BLVRB: variants seen among roughly 807,000 people sequenced by gnomAD.
BLVRB encodes the protein flavin reductase (NADPH).
A neutral mutation model predicts 21.1 loss-of-function variants in BLVRB; 25 were observed. The ratio of observed to expected loss-of-function variants is 1.19; its 90% confidence interval spans 0.86 to 1.66. The LOEUF is 1.66. Ranked by LOEUF, BLVRB falls within the 40% of genes most tolerant of loss-of-function variation. BLVRB has a pLI of 0.00. For missense variants in BLVRB, 274 were observed against 282.7 expected, an observed-to-expected ratio of 0.97 and a Z score of 0.22; for synonymous variants, 128 against 122.2, an observed-to-expected ratio of 1.05 and a Z score of -0.31.
In BLVRB at chr19:40,448,012, G is replaced by C. The variant is rs141407327; in HGVS notation, c.498C>G (p.Thr166=). 7 of 1,613,910 alleles carry C rather than the reference G, an allele frequency of 4.3e-6. No homozygotes were observed. In the African/African-American group the frequency reaches 8.0e-5, roughly 18 times the overall value. ...CCCTTGAGGGCCCTCGTCCATCCAG[G>C]GTCACTGTGTACGCCCCAGTTAGTG... is the stretch of plus-strand genomic sequence containing the variant. ...DQPLTGAYTV[T]LDGRGPSRVI... Residue 166 remains threonine (T), a synonymous_variant, in exon 5 of 5, where the codon ACC becomes ACG. Transcript: ENST00000263368.
chr19:40,451,544 T>G (rs2079740120), intron 3 of BLVRB, 52 bp from the exon 4 acceptor site: 1 of 1,485,730 alleles, frequency 6.7e-7, no homozygotes, highest in Non-Finnish European at 8.9e-7. Context: ...CTTTTTTTTT[T>G]TTTTTTTGAG....
chr19:40,454,739 G>A (rs893326212), intron 3 of BLVRB, among the ~76,000 whole-genome samples: 3 of 151,936 alleles, frequency 2.0e-5, no homozygotes, highest in African/African-American at 7.3e-5. Context: ...TAGAGACGGT[G>A]TTTCACTGTG....
intron 4 of BLVRB, among the ~76,000 whole-genome samples, chr19:40,450,785 C>A (rs182642302): frequency 6.6e-6 from 1 of 151,820 alleles, no homozygotes; most frequent in Non-Finnish European, 1.5e-5. Context: ...GAAATCCTCC[C>A]GTCTTGGCTT....
At chr19:40,465,007 A>C (rs775934628) in intron 1 of BLVRB, among the ~76,000 whole-genome samples, 1 of 152,098 alleles carries the variant, frequency 6.6e-6, no homozygotes, top group African/African-American at 2.4e-5. Flanking sequence ...GCTGTCCCCA[A>C]GTCTTCACTC....
At chr19:40,451,338 T>C (rs1172281004) in intron 4 of BLVRB, 26 bp downstream of exon 4, 1 of 1,587,722 alleles carries the variant, frequency 6.3e-7, no homozygotes, top group Middle Eastern at 1.7e-4. Flanking sequence ...ATGGCATTGG[T>C]GCCACCAGGT....
At chr19:40,462,033 AC>A (rs2145783447) in intron 1 of BLVRB, among the ~76,000 whole-genome samples, 1 of 152,316 alleles carries the variant, frequency 6.6e-6, no homozygotes, top group African/African-American at 2.4e-5. Flanking sequence ...CTTTGTAAAC[AC>A]AAAAGCACAG....
At chr19:40,451,926 CT>C (rs1426508382) in intron 3 of BLVRB, among the ~76,000 whole-genome samples, 2 of 152,172 alleles carry the variant, frequency 1.3e-5, no homozygotes, top group African/African-American at 4.8e-5. Context: ...TGGGGCTCCT[CT>C]TTCCCTCACA....
chr19:40,451,077 T>C (rs923920852), intron 4 of BLVRB, among the ~76,000 whole-genome samples: 1 of 152,112 alleles, frequency 6.6e-6, no homozygotes, highest in African/African-American at 2.4e-5. Flanking sequence ...GTCCCAACCC[T>C]GTAATCCAGC....
rs201539982 is a variant in BLVRB, at chr19:40,458,289, C to T, written c.245-45G>A. On this transcript the variant is annotated intron_variant, in intron 2 of 4. Transcript: ENST00000263368. ...GGCTGTCACTGGTGGGCGGCGGCGG[C>T]GGCAGGGGTGGCAGGGGCGGGGCCG... The T allele has an allele frequency of 3.8e-3, 3,580 of 932,258 alleles. 3 individuals carry two copies. Among genetic ancestry groups the T allele is most frequent in the Non-Finnish European group, 4.6e-3 (3,077 of 669,276 alleles). The allele number at this position is 932,258 out of a possible 1,614,324, so 57.7% of individuals were successfully genotyped here. A position where few individuals can be genotyped will look rare whatever the true frequency, so the allele number is the denominator to read the frequency against.
intron 1 of BLVRB, among the ~76,000 whole-genome samples, chr19:40,460,120 A>C (rs2079779992): frequency 6.6e-6 from 1 of 151,902 alleles, no homozygotes; most frequent in Non-Finnish European, 1.5e-5. Flanking sequence ...ATAATTTTGG[A>C]TAATTTTGTT....
At chr19:40,460,668 G>T (rs62106989) in intron 1 of BLVRB, among the ~76,000 whole-genome samples, 26,921 of 151,640 alleles carry the variant, frequency 0.18, 2,980 homozygotes, top group African/African-American at 0.32. Flanking sequence ...CTACTACCTG[G>T]CACAGAAATA....
chr19:40,462,969 G>A (rs1288475688), intron 1 of BLVRB, among the ~76,000 whole-genome samples: 2 of 145,940 alleles, frequency 1.4e-5, no homozygotes, highest in Non-Finnish European at 3.0e-5. Flanking sequence ...GTACACAAAC[G>A]CATACATATA....
At chr19:40,454,318 G>A (rs893414751) in intron 3 of BLVRB, among the ~76,000 whole-genome samples, 1 of 151,936 alleles carries the variant, frequency 6.6e-6, no homozygotes, top group Non-Finnish European at 1.5e-5. Flanking sequence ...TGGTAGAGAC[G>A]GGGTTTCACC....
chr19:40,455,965 AG>A (rs2079760588), intron 3 of BLVRB, among the ~76,000 whole-genome samples: 1 of 152,164 alleles, frequency 6.6e-6, no homozygotes. Flanking sequence ...TACAAAAATT[AG>A]CCAGCCTTAT....
intron 4 of BLVRB, among the ~76,000 whole-genome samples, chr19:40,448,448 G>A (rs1478321274): frequency 2.6e-5 from 4 of 151,564 alleles, no homozygotes; most frequent in East Asian, 1.9e-4. Flanking sequence ...AAAATCAGCC[G>A]GGTGCAGTGG....
intron 1 of BLVRB, among the ~76,000 whole-genome samples, chr19:40,464,578 T>C (rs1002183726): frequency 2.0e-5 from 3 of 152,194 alleles, no homozygotes; most frequent in African/African-American, 7.2e-5. Context: ...TCAGCGCCTC[T>C]CAACTTCTCT....
intron 3 of BLVRB, 97 bp from the exon 4 acceptor site, chr19:40,451,589 G>A: frequency 7.1e-7 from 1 of 1,404,630 alleles, no homozygotes; most frequent in South Asian, 1.5e-5. Context: ...GCTGAGTGCA[G>A]TGGCGCAATC....
At position 40,449,324 on chromosome 19, in the gene BLVRB, C is replaced by T. The variant is rs186921202; in HGVS notation, c.464-1278G>A. The stretch of plus-strand genomic sequence containing the variant: ...ACAGTGGTGCAATCTTGGCTCACTG[C>T]AACCTCCACCTCCCAGGTTCAAGCA... On this transcript the variant is annotated intron_variant, in intron 4 of 4. Coordinates refer to ENST00000263368, the MANE Select transcript of BLVRB (RefSeq NM_000713.3). Among the ~76,000 whole-genome samples the T allele has an allele frequency of 5.0e-4, 76 of 152,054 alleles. 1 individual carries two copies. The East Asian group carries it at 0.012, about 24-fold the overall frequency.
At chr19:40,451,951 C>G (rs969410263) in intron 3 of BLVRB, among the ~76,000 whole-genome samples, 1 of 152,156 alleles carries the variant, frequency 6.6e-6, no homozygotes, top group Non-Finnish European at 1.5e-5. Context: ...CAGGTAAGAG[C>G]TGTCTGCTGA....
Sources: allele counts gnomAD v4.1 joint callset (sites outside exome capture counted in the v4.1 genomes callset), GRCh38; gene constraint gnomAD v4.1.1; transcripts MANE v1.5; gene names NCBI Gene and HGNC (gene_info 2026-07-23, HGNC 2026-07-21).